The following CFTR variants were observed in gnomAD, a reference collection of about 807,000 sequenced individuals.
CFTR encodes cystic fibrosis transmembrane conductance regulator.
CFTR carries 181 observed loss-of-function variants against 171.6 expected under a neutral mutation model. The observed-to-expected ratio is 1.05, with a 90% CI of 0.93 to 1.19. The LOEUF (loss-of-function observed/expected upper bound fraction) is 1.19, where lower values mean the gene tolerates loss of function less well. Ranked by LOEUF, CFTR falls within the 50% of genes most tolerant of loss-of-function variation. CFTR has a pLI of 0.00. For synonymous variants in CFTR, 583 were observed against 608.0 expected (o/e 0.96, Z 0.60); for missense variants, 1,968 against 1,734.7 (o/e 1.13, Z -2.39).
chr7:117,629,313 A>C (rs1030256574), intron 22 of CFTR, among the ~76,000 whole-genome samples: 1 of 152,202 alleles, frequency 6.6e-6, no homozygotes, highest in Non-Finnish European at 1.5e-5. Context: ...CAACAAATTT[A>C]GTTTAAAGAC....
chr7:117,654,463 C>G, intron 24 of CFTR, among the ~76,000 whole-genome samples: 1 of 151,916 alleles, frequency 6.6e-6, no homozygotes, highest in Non-Finnish European at 1.5e-5. Flanking sequence ...TGTCCCCACC[C>G]AAATCTTGTC....
Position 117,504,232 on chromosome 7 carries a change from TTCC to T in CFTR, c.54-15_54-13del, listed in dbSNP as rs768163748. On this transcript the variant is annotated intron_variant, in intron 1 of 26. Coordinates refer to ENST00000003084, the MANE Select transcript of CFTR (RefSeq NM_000492.4). ...GGAGACCAAATCAAGTGAATATCTG[TTCC>T]TCCTCTCTTTATTTTAGCTGGACCA... is the stretch of plus-strand genomic sequence containing the variant. 7.2e-7 allele frequency: 1 copy of T among 1,390,684 alleles called. No individual in the cohort carries two copies. The highest frequency in any genetic ancestry group is 1.0e-6 in the Non-Finnish European group (1 of 976,218). The allele number at this position is 1,390,684 out of a possible 1,614,324, so 86.1% of individuals were successfully genotyped here. A position where few individuals can be genotyped will look rare whatever the true frequency, so the allele number is the denominator to read the frequency against.
chr7:117,622,417 ACTGGGAAG>A (rs1197844063), intron 21 of CFTR, among the ~76,000 whole-genome samples: 4 of 152,158 alleles, frequency 2.6e-5, no homozygotes, highest in Non-Finnish European at 5.9e-5. Flanking sequence ...GTTTTTGCCT[ACTGGGAAG>A]GATTTATGAT....
intron 11 of CFTR, among the ~76,000 whole-genome samples, chr7:117,568,935 G>T (rs1791644778): frequency 6.6e-6 from 1 of 152,148 alleles, no homozygotes; most frequent in Non-Finnish European, 1.5e-5. Flanking sequence ...TTCCATCTTG[G>T]TCAGTTGGGT....
At position 117,530,886 on chromosome 7, in the gene CFTR, TC is replaced by T. The variant is rs754993212; in HGVS notation, c.274-9del. 3 of 1,536,060 alleles carry T rather than the reference TC, an allele frequency of 2.0e-6. No individual in the cohort carries two copies. Among genetic ancestry groups the T allele is most frequent in the African/African-American group, 1.4e-5 (1 of 73,206 alleles). ...AAATGAAATTTAATTTCTCTGTTTT[TC>T]CCCTTTTGTAGGAAGTCACCAAAGC... On this transcript the variant is annotated splice_polypyrimidine_tract_variant and intron_variant, in intron 3 of 26. Transcript: ENST00000003084.
chr7:117,603,511 G>A (rs746391414), intron 16 of CFTR, 21 bp from the exon 17 acceptor site: 39 of 1,613,502 alleles, frequency 2.4e-5, no homozygotes, highest in Admixed American at 3.3e-5. Flanking sequence ...GCCAAATAAC[G>A]ATTTCCTATT....
chr7:117,507,080 C>A (rs1052181922), intron 2 of CFTR, among the ~76,000 whole-genome samples: 1 of 152,204 alleles, frequency 6.6e-6, no homozygotes, highest in Admixed American at 6.5e-5. Context: ...AACCACACAT[C>A]CGTTCCAAGA....
chr7:117,589,978 A>G (rs143923109), intron 12 of CFTR, among the ~76,000 whole-genome samples: 1 of 152,152 alleles, frequency 6.6e-6, no homozygotes, highest in East Asian at 1.9e-4. Flanking sequence ...TTGCCTCTAA[A>G]TAGATACTAT....
chr7:117,486,784 TA>T (rs1384900082), intron 1 of CFTR, among the ~76,000 whole-genome samples: 3 of 150,678 alleles, frequency 2.0e-5, no homozygotes, highest in Admixed American at 6.7e-5. Flanking sequence ...CCATGGCTTT[TA>T]AACAGGAGAG....
intron 23 of CFTR, among the ~76,000 whole-genome samples, chr7:117,643,620 T>C (rs1792952735): frequency 2.0e-5 from 3 of 152,116 alleles, no homozygotes; most frequent in Non-Finnish European, 4.4e-5. Context: ...GAAAACAGTA[T>C]TGTTTCTTCA....
At chr7:117,663,569 T>C (rs1793323059) in intron 24 of CFTR, among the ~76,000 whole-genome samples, 1 of 150,146 alleles carries the variant, frequency 6.7e-6, no homozygotes, top group Non-Finnish European at 1.5e-5. Context: ...TCTACCCCAA[T>C]ATCAAAGAGG....
intron 20 of CFTR, among the ~76,000 whole-genome samples, chr7:117,612,037 A>ATATATATATATATATG (rs1792409479): frequency 2.7e-5 from 2 of 73,380 alleles, no homozygotes; most frequent in Non-Finnish European, 5.6e-5. Flanking sequence ...ATATATATAT[A>ATATATATATATATATG]TATATATATA....
At chr7:117,583,689 C>G (rs1263277133) in intron 11 of CFTR, among the ~76,000 whole-genome samples, 1 of 151,798 alleles carries the variant, frequency 6.6e-6, no homozygotes, top group Non-Finnish European at 1.5e-5. Context: ...GGTAGATACC[C>G]AGCAGTGGGA....
At chr7:117,564,800 TTGTC>T (rs1313841859) in intron 11 of CFTR, 5 of 165,898 alleles carry the variant, frequency 3.0e-5, no homozygotes, top group African/African-American at 1.2e-4. Flanking sequence ...AAGTGTAAAT[TTGTC>T]TGGATAGGAG....
At chr7:117,640,450 T>A (rs776517916) in intron 22 of CFTR, among the ~76,000 whole-genome samples, 38 of 152,138 alleles carry the variant, frequency 2.5e-4, no homozygotes, top group Non-Finnish European at 4.9e-4. Flanking sequence ...AGTATTTTTT[T>A]CTGAAGAAAA....
intron 23 of CFTR, among the ~76,000 whole-genome samples, chr7:117,649,186 G>A (rs1180485438): frequency 2.0e-5 from 3 of 151,212 alleles, no homozygotes; most frequent in African/African-American, 7.3e-5. Context: ...TATAAAGAAC[G>A]ATCAAAATTT....
At chr7:117,652,304 C>A (rs1793100568) in intron 23 of CFTR, among the ~76,000 whole-genome samples, 1 of 152,138 alleles carries the variant, frequency 6.6e-6, no homozygotes, top group Admixed American at 6.6e-5. Context: ...CCTGTCTGAT[C>A]AGATAAGTAG....
At chr7:117,514,000 C>A (rs1303467799) in intron 3 of CFTR, among the ~76,000 whole-genome samples, 1 of 152,150 alleles carries the variant, frequency 6.6e-6, no homozygotes, top group Non-Finnish European at 1.5e-5. Flanking sequence ...TGGGATAAAA[C>A]CTGGGACACT....
chr7:117,582,722 GA>G (rs1052994833), intron 11 of CFTR, among the ~76,000 whole-genome samples: 2 of 152,170 alleles, frequency 1.3e-5, no homozygotes, highest in African/African-American at 4.8e-5. Flanking sequence ...GGTTATAATT[GA>G]AATGGACAGA....
Sources: allele counts gnomAD v4.1 joint callset (sites outside exome capture counted in the v4.1 genomes callset), GRCh38; gene constraint gnomAD v4.1.1; transcripts MANE v1.5; gene names NCBI Gene and HGNC (gene_info 2026-07-23, HGNC 2026-07-21).